Variants in ZFYVE26 observed in about 807,000 individuals in gnomAD.
ZFYVE26 encodes zinc finger FYVE domain-containing protein 26.
A neutral mutation model predicts 276.5 loss-of-function variants in ZFYVE26; 181 were observed. The ratio of observed to expected loss-of-function variants is 0.65; its 90% CI spans 0.58 to 0.74. The LOEUF (loss-of-function observed/expected upper bound fraction) is 0.74. ZFYVE26 is among the 30% of genes least tolerant of loss of function. The probability of loss-of-function intolerance (pLI) is 0.00; values close to 1 mark genes in which losing one functional copy is unlikely to be tolerated. For missense variants in ZFYVE26, 2,821 were observed against 3,097.9 expected, an observed-to-expected ratio of 0.91 and a Z score of 2.12; for synonymous variants, 1,129 against 1,203.1, an observed-to-expected ratio of 0.94 and a Z score of 1.27.
chr14:67,814,950 C>T (rs140619842), intron 2 of ZFYVE26, among the ~76,000 whole-genome samples: 2,231 of 152,260 alleles, frequency 0.015, 29 homozygotes, highest in Non-Finnish European at 0.022. Context: ...AGACTTAAAA[C>T]GGTACATTTG....
intron 28 of ZFYVE26, chr14:67,770,180 T>C (rs1244902298): frequency 3.9e-6 from 1 of 259,604 alleles, no homozygotes; most frequent in Non-Finnish European, 7.6e-6. Flanking sequence ...GCAAGACTTT[T>C]AGGCTGGGCG....
intron 31 of ZFYVE26, 138 bp downstream of exon 31, chr14:67,767,566 G>T: frequency 8.5e-7 from 1 of 1,174,310 alleles, no homozygotes; most frequent in Non-Finnish European, 1.2e-6. Context: ...TGCCTTAATG[G>T]ATTTACTGGT....
At chr14:67,744,296 C>G (rs564056557), downstream of ZFYVE26, among the ~76,000 whole-genome samples, 7 of 152,292 alleles carry the variant, frequency 4.6e-5, 1 homozygote, top group East Asian at 1.9e-4. Flanking sequence ...TTCCAACTTT[C>G]TCTGTTGTGA....
chr14:67,749,748 G>A (rs543564888), intron 41 of ZFYVE26, among the ~76,000 whole-genome samples: 3 of 152,260 alleles, frequency 2.0e-5, no homozygotes, highest in Non-Finnish European at 2.9e-5. Context: ...GTCCTGTGCC[G>A]CTTGGGAATC....
intron 21 of ZFYVE26, 101 bp downstream of exon 21, chr14:67,782,679 G>A (rs2039531771): frequency 6.4e-7 from 1 of 1,553,462 alleles, no homozygotes; most frequent in Non-Finnish European, 8.8e-7. Flanking sequence ...TTATAGTGGG[G>A]CTTCTCTCTA....
chr14:67,795,280 A>G lies in ZFYVE26; in HGVS notation c.2333-1041T>C, dbSNP rs554772655. 2.0e-5 allele frequency among the ~76,000 whole-genome samples: 3 copies of G among 152,278 alleles called. 1 individual carries two copies. The South Asian group carries it at 6.2e-4, about 32-fold the overall frequency. On this transcript the variant is annotated intron_variant, in intron 12 of 41. Transcript: ENST00000347230. ...AACAATTAATGTAGCAGCTTAAGGGACTTAGCAACGCAACCTTGAAGCTTT... is the reference window on the plus strand; with the variant it reads ...AACAATTAATGTAGCAGCTTAAGGGGCTTAGCAACGCAACCTTGAAGCTTT...
rs749671607 is a variant in ZFYVE26 at position 67,807,513 on chromosome 14, C to T, written c.771G>A (p.Glu257=). Residue 257 remains glutamate (E), a synonymous_variant, in exon 5 of 42, where the codon GAG becomes GAA. Coordinates refer to ENST00000347230, the MANE Select transcript of ZFYVE26 (RefSeq NM_015346.4). ...CRTEGSPLRE[E]RLLSCLLHKA... is the part of the protein sequence containing the mutation. ...TGTGCAGCAGGCAGCTGAGCAGCCGCTCCTCCCGCAGGGGACTCCCCTCGG... is the reference window on the plus strand; with the variant it reads ...TGTGCAGCAGGCAGCTGAGCAGCCGTTCCTCCCGCAGGGGACTCCCCTCGG... 4.3e-5 allele frequency: 69 copies of T among 1,614,074 alleles called. No homozygotes were observed. Among genetic ancestry groups the T allele is most frequent in the Non-Finnish European group, 5.6e-5 (66 of 1,180,038 alleles).
chr14:67,730,632 T>C (rs889122936), intron 13 of ZFYVE26, among the ~76,000 whole-genome samples: 1 of 152,202 alleles, frequency 6.6e-6, no homozygotes, highest in Non-Finnish European at 1.5e-5. Context: ...AGATGGATTT[T>C]CACTCTTGTC....
chr14:67,750,900 C>A, intron 41 of ZFYVE26, 152 bp downstream of exon 41: 1 of 958,486 alleles, frequency 1.0e-6, no homozygotes, highest in South Asian at 1.3e-5. Context: ...CTTTCTACAC[C>A]CCTATCCAAG....
intron 3 of ZFYVE26, among the ~76,000 whole-genome samples, chr14:67,810,414 A>G (rs1384500870): frequency 2.0e-5 from 3 of 152,210 alleles, no homozygotes. Context: ...ATATGCCAGT[A>G]CCTCACAGGT....
intron 16 of ZFYVE26, 92 bp from the exon 17 acceptor site, chr14:67,786,325 T>G: frequency 6.9e-7 from 1 of 1,452,852 alleles, no homozygotes; most frequent in Non-Finnish European, 9.3e-7. Context: ...CCTGTGAAAT[T>G]TTATCCTCTC....
In ZFYVE26 at chr14:67,794,245, G is replaced by A; in HGVS notation, c.2333-6C>T. The A allele has an allele frequency of 6.2e-7, 1 of 1,613,924 alleles. No homozygotes were observed. The highest frequency in any genetic ancestry group is 8.5e-7 in the Non-Finnish European group (1 of 1,179,782). The stretch of plus-strand genomic sequence containing the variant: ...TGAACCTCTGTCTCGGCCATCTACA[G>A]GTATTGGGAAGAAGAGAGAAAGTCA... On this transcript the variant is annotated splice_region_variant and splice_polypyrimidine_tract_variant and intron_variant, in intron 12 of 41. Transcript: ENST00000347230.
At chr14:67,764,435 G>A (rs2039007192) in intron 32 of ZFYVE26, among the ~76,000 whole-genome samples, 1 of 152,146 alleles carries the variant, frequency 6.6e-6, no homozygotes, top group Non-Finnish European at 1.5e-5. Context: ...TGCCCAGGCT[G>A]GTCTCGAACT....
At chr14:67,739,900 T>C (rs987312325) in intron 13 of ZFYVE26, among the ~76,000 whole-genome samples, 1 of 152,248 alleles carries the variant, frequency 6.6e-6, no homozygotes, top group Non-Finnish European at 1.5e-5. Flanking sequence ...AGATTAATTA[T>C]TGTAACAAAC....
intron 33 of ZFYVE26, 109 bp from the exon 34 acceptor site, chr14:67,762,521 C>A: frequency 6.5e-7 from 1 of 1,528,432 alleles, no homozygotes; most frequent in Non-Finnish European, 8.9e-7. Flanking sequence ...CCACTATCTG[C>A]CATTACTTCT....
chr14:67,793,783 G>C, intron 13 of ZFYVE26, 24 bp from the exon 14 acceptor site: 7 of 1,613,550 alleles, frequency 4.3e-6, no homozygotes, highest in Non-Finnish European at 5.9e-6. Flanking sequence ...AGAATGTGTG[G>C]GGCCAGAGAA....
At chr14:67,759,590 C>A (rs1453567675) in intron 35 of ZFYVE26, among the ~76,000 whole-genome samples, 2 of 134,518 alleles carry the variant, frequency 1.5e-5, no homozygotes, top group East Asian at 4.3e-4. Context: ...CACCACCGCG[C>A]TCCAGCCTGG....
In ZFYVE26 at chr14:67,755,167, T is replaced by C. The variant is rs766701632; in HGVS notation, c.6870A>G (p.Ser2290=). The stretch of plus-strand genomic sequence containing the variant: ...GGTGGTCCTTGGCCTTAAGTAGCCA[T>C]GAGAGCTTCTCTCCCAGTTCTGTAT... ...KSYTELGEKL[S]WLLKAKDHLK... is the part of the protein sequence containing the mutation. Residue 2290 remains serine (S), a synonymous_variant, in exon 37 of 42, where the codon TCA becomes TCG. Coordinates refer to ENST00000347230, the MANE Select transcript of ZFYVE26 (RefSeq NM_015346.4). 11 of 1,614,106 alleles carry C rather than the reference T, an allele frequency of 6.8e-6. No individual in the cohort carries two copies. The highest frequency in any genetic ancestry group is 9.3e-6 in the Non-Finnish European group (11 of 1,180,050).
rs550950317 is a variant in ZFYVE26, at chr14:67,788,259, C to A, written c.3019+1076G>T. ...CAAAAATTAGCCGGGCGTGGTGGCA[C>A]GTGCCTGTAATCCCAGTTACTTGGG... On this transcript the variant is annotated intron_variant, in intron 16 of 41. Transcript: ENST00000347230. Among the ~76,000 whole-genome samples the A allele has an allele frequency of 1.1e-4, 16 of 152,236 alleles. No individual in the cohort carries two copies. In the East Asian group the frequency reaches 3.1e-3, roughly 29 times the overall value.
Sources: allele counts gnomAD v4.1 joint callset (sites outside exome capture counted in the v4.1 genomes callset), GRCh38; gene constraint gnomAD v4.1.1; transcripts MANE v1.5; gene names NCBI Gene and HGNC (gene_info 2026-07-23, HGNC 2026-07-21).